Variants in WHRN observed in about 807,000 individuals in gnomAD.
WHRN encodes the protein whirlin, also known as CASK-interacting protein CIP98.
In WHRN, 41 loss-of-function variants were observed where a neutral mutation model predicts 68.3. The ratio of observed to expected loss-of-function variants is 0.60; its 90% CI spans 0.47 to 0.78. WHRN has a LOEUF of 0.78. Ranked by LOEUF, WHRN falls within the 30% of genes least tolerant of loss-of-function variation. WHRN has a pLI of 0.00. For synonymous variants in WHRN, 560 were observed against 561.3 expected, an observed-to-expected ratio of 1.00 and a Z score of 0.03; for missense variants, 1,243 against 1,244.7, an observed-to-expected ratio of 1.00 and a Z score of 0.02.
intron 9 of WHRN, among the ~76,000 whole-genome samples, chr9:114,404,659 T>C (rs1834895789): frequency 6.6e-6 from 1 of 152,034 alleles, no homozygotes; most frequent in Non-Finnish European, 1.5e-5. Context: ...ACACACACTC[T>C]GGAGTCTGGC....
intron 3 of WHRN, among the ~76,000 whole-genome samples, chr9:114,461,602 C>T (rs755420780): frequency 6.6e-6 from 1 of 152,238 alleles, no homozygotes; most frequent in Non-Finnish European, 1.5e-5. Flanking sequence ...GCCACATGGG[C>T]CTTCCTCTGC....
intron 3 of WHRN, among the ~76,000 whole-genome samples, chr9:114,429,800 G>A (rs1215608536): frequency 6.6e-6 from 1 of 152,146 alleles, no homozygotes; most frequent in Non-Finnish European, 1.5e-5. Context: ...ATGCTAAGAG[G>A]CAGAGCTGTG....
intron 3 of WHRN, among the ~76,000 whole-genome samples, chr9:114,461,857 T>C (rs968304297): frequency 1.3e-5 from 2 of 152,198 alleles, no homozygotes; most frequent in Non-Finnish European, 2.9e-5. Flanking sequence ...TACACAGTTG[T>C]GTAATTTGTT....
chr9:114,481,069 G>A (rs567667663), intron 1 of WHRN, among the ~76,000 whole-genome samples: 5 of 152,106 alleles, frequency 3.3e-5, no homozygotes, highest in East Asian at 1.9e-4. Flanking sequence ...AGCTCTCTGC[G>A]TCCCCCAAGC....
At chr9:114,487,908 G>A (rs751877212) in intron 1 of WHRN, among the ~76,000 whole-genome samples, 2 of 152,174 alleles carry the variant, frequency 1.3e-5, no homozygotes, top group Non-Finnish European at 2.9e-5. Flanking sequence ...ACACTCCTTC[G>A]TGCTTTCTTC....
chr9:114,426,375 AAAG>A lies in WHRN; in HGVS notation c.999_1001del (p.Phe334del). The A allele has an allele frequency of 6.2e-7, 1 of 1,613,088 alleles. No homozygotes were observed. The highest frequency in any genetic ancestry group is 8.5e-7 in the Non-Finnish European group (1 of 1,179,734). Reference sequence around the variant, plus strand: ...CAGCCTCGTCGTGTAGGATGTTGAGAAAGCTCCGCCCATTCACTTCTAGAATCT... The same window carrying A: ...CAGCCTCGTCGTGTAGGATGTTGAGACTCCGCCCATTCACTTCTAGAATCT... On this transcript the variant is annotated inframe_deletion, in exon 4 of 12. Coordinates refer to ENST00000362057, the MANE Select transcript of WHRN (RefSeq NM_015404.4).
At chr9:114,450,124 C>T (rs1366333295) in intron 3 of WHRN, among the ~76,000 whole-genome samples, 1 of 151,946 alleles carries the variant, frequency 6.6e-6, no homozygotes, top group Non-Finnish European at 1.5e-5. Flanking sequence ...TTAGAAAAAA[C>T]CCACTCCAGC....
In WHRN at chr9:114,431,192, G is replaced by T. The variant is rs573740597; in HGVS notation, c.964-4779C>A. 2.6e-5 allele frequency among the ~76,000 whole-genome samples: 4 copies of T among 152,270 alleles called. No individual in the cohort carries two copies. The South Asian group carries it at 8.3e-4, about 32-fold the overall frequency. ...GCCAGGCAACCGTGACATAGTAGCT[G>T]AGTGGCCCCGCACAGCTCTCAAGTA... On this transcript the variant is annotated intron_variant, in intron 3 of 11. Coordinates refer to ENST00000362057, the MANE Select transcript of WHRN (RefSeq NM_015404.4).
intron 3 of WHRN, among the ~76,000 whole-genome samples, chr9:114,448,644 C>G (rs1018622190): frequency 6.6e-5 from 10 of 152,284 alleles, no homozygotes; most frequent in African/African-American, 2.2e-4. Context: ...GGAAAGCCCC[C>G]CTAAGCCACC....
At chr9:114,471,852 G>A (rs1391844313) in intron 2 of WHRN, among the ~76,000 whole-genome samples, 6 of 152,198 alleles carry the variant, frequency 3.9e-5, no homozygotes, top group Non-Finnish European at 7.3e-5. Context: ...GAAGAGAAGG[G>A]CCTCCTGCTC....
chr9:114,472,803 C>T (rs185087075), intron 2 of WHRN, among the ~76,000 whole-genome samples: 1 of 152,300 alleles, frequency 6.6e-6, no homozygotes, highest in East Asian at 1.9e-4. Context: ...GAATTCATTA[C>T]TATGTCCAGG....
At chr9:114,423,236 C>T in intron 7 of WHRN, 78 bp downstream of exon 7, 2 of 1,472,934 alleles carry the variant, frequency 1.4e-6, no homozygotes, top group Non-Finnish European at 1.9e-6. Flanking sequence ...GATTCGAACT[C>T]AGGCTGGTCT....
At position 114,424,376 on chromosome 9, in the gene WHRN, G is replaced by C. The variant is rs1836609851; in HGVS notation, c.1374C>G (p.Ala458=). The change falls in exon 6 of 12, where the codon GCC becomes GCG. Residue 458 remains alanine (A), a synonymous_variant. Transcript: ENST00000362057. ...GCAGCTTGAACAGGGCCATGACGAG[G>C]GCCTCCACAGAGACGCTGCCACCAC... is the stretch of plus-strand genomic sequence containing the variant. ...EYRGGSVSVE[A]LVMALFKLLN... 14 of 1,612,472 alleles carry C rather than the reference G, an allele frequency of 8.7e-6. No individual in the cohort carries two copies. Among genetic ancestry groups the C allele is most frequent in the Non-Finnish European group, 1.0e-5 (12 of 1,180,000 alleles).
intron 1 of WHRN, among the ~76,000 whole-genome samples, chr9:114,482,654 T>C (rs1842180649): frequency 6.7e-6 from 1 of 150,374 alleles, no homozygotes; most frequent in Non-Finnish European, 1.5e-5. Flanking sequence ...TCGAAAACCA[T>C]GCGGTAGCAA....
intron 7 of WHRN, among the ~76,000 whole-genome samples, chr9:114,413,766 A>G (rs1835623767): frequency 1.3e-5 from 2 of 152,276 alleles, no homozygotes; most frequent in African/African-American, 4.8e-5. Context: ...ATCATATTTG[A>G]CCACCAAATC....
rs1239573363 is a variant in WHRN, at chr9:114,459,429, C to T, written c.963+6838G>A. ...AGTGAGCTGAGATCATGCCACTACA[C>T]TCCAGCCTGGGCAATAGAGCGAGAG... is the stretch of plus-strand genomic sequence containing the variant. On this transcript the variant is annotated intron_variant, in intron 3 of 11. Transcript: ENST00000362057. Among the ~76,000 whole-genome samples the T allele has an allele frequency of 6.6e-5, 10 of 151,326 alleles. No individual in the cohort carries two copies. In the Admixed American group the frequency reaches 6.6e-4, roughly 10 times the overall value.
At chr9:114,476,091 A>G (rs148274682) in intron 2 of WHRN, among the ~76,000 whole-genome samples, 42 of 152,264 alleles carry the variant, frequency 2.8e-4, no homozygotes, top group Non-Finnish European at 5.6e-4. Flanking sequence ...CAGCCTCCCA[A>G]GCAGCTGGGA....
chr9:114,475,974 T>C (rs1281613238), intron 2 of WHRN, among the ~76,000 whole-genome samples: 1 of 152,048 alleles, frequency 6.6e-6, no homozygotes, highest in Non-Finnish European at 1.5e-5. Flanking sequence ...TCTGCATTAT[T>C]TTATTCTTGA....
In WHRN at chr9:114,482,689, A is replaced by G. The variant is rs1842185222; in HGVS notation, c.619-3918T>C. On this transcript the variant is annotated intron_variant, in intron 1 of 11. Transcript: ENST00000362057. The stretch of plus-strand genomic sequence containing the variant: ...AAACGTTGACCAAGGAGTTTAAAAA[A>G]AAAAAGGGAAGGAAAGAATAAAGAA... Among the ~76,000 whole-genome samples the G allele has an allele frequency of 3.3e-5, 5 of 152,306 alleles. No individual in the cohort carries two copies. In the South Asian group the frequency reaches 1.0e-3, roughly 32 times the overall value.
Sources: gnomAD v4.1 joint callset for allele counts (sites outside exome capture counted in the v4.1 genomes callset) on GRCh38, gnomAD v4.1.1 for gene constraint, MANE v1.5 for transcripts, NCBI Gene and HGNC (gene_info 2026-07-23, HGNC 2026-07-21) for gene names.